The following EEPD1 variants were observed in gnomAD, a reference collection of about 807,000 sequenced individuals.
EEPD1 encodes the protein endonuclease/exonuclease/phosphatase family domain containing 1.
EEPD1 carries 17 observed loss-of-function variants against 46.3 expected under a neutral mutation model. That is an observed-to-expected ratio of 0.37 (90% CI 0.25 to 0.55). The LOEUF is 0.55. Ranked by LOEUF, EEPD1 falls within the 20% of genes least tolerant of loss-of-function variation. The probability of loss-of-function intolerance (pLI) is 0.83; values close to 1 mark genes in which losing one functional copy is unlikely to be tolerated. For missense variants in EEPD1, 673 were observed against 745.6 expected (o/e 0.90, Z 1.13); for synonymous variants, 313 against 315.6 (o/e 0.99, Z 0.09).
chr7:36,254,555 CTT>C (rs200202300), intron 3 of EEPD1, among the ~76,000 whole-genome samples: 18,720 of 152,106 alleles, frequency 0.12, 1,555 homozygotes, highest in Non-Finnish European at 0.18. Flanking sequence ...GGTTCCAAGT[CTT>C]TGTTATTGTG....
chr7:36,290,196 A>G (rs1787406893), intron 6 of EEPD1, among the ~76,000 whole-genome samples: 1 of 152,202 alleles, frequency 6.6e-6, no homozygotes, highest in African/African-American at 2.4e-5. Context: ...AACTTCTTTG[A>G]CAGCCTTAGG....
chr7:36,175,861 G>A (rs1785167782), intron 2 of EEPD1, among the ~76,000 whole-genome samples: 1 of 152,214 alleles, frequency 6.6e-6, no homozygotes, highest in Non-Finnish European at 1.5e-5. Context: ...TATAGTAGAA[G>A]CCTCAGACCC....
intron 2 of EEPD1, among the ~76,000 whole-genome samples, chr7:36,235,839 CTT>C (rs1297927160): frequency 2.6e-5 from 4 of 151,820 alleles, no homozygotes; most frequent in African/African-American, 4.8e-5. Context: ...CATTTTAACT[CTT>C]TTTAAGTGTA....
chr7:36,215,187 A>C (rs1562689697), intron 2 of EEPD1, among the ~76,000 whole-genome samples: 1 of 152,188 alleles, frequency 6.6e-6, no homozygotes, highest in African/African-American at 2.4e-5. Flanking sequence ...ATAACCAGAC[A>C]CGAGCCGAGC....
At chr7:36,283,882 T>C (rs192502719) in intron 4 of EEPD1, among the ~76,000 whole-genome samples, 1 of 152,142 alleles carries the variant, frequency 6.6e-6, no homozygotes, top group Non-Finnish European at 1.5e-5. Flanking sequence ...TCAAATGACA[T>C]GCAGATGGCT....
Position 36,225,311 on chromosome 7 carries a change from C to A in EEPD1, c.879-13674C>A, listed in dbSNP as rs933779681. 6.6e-6 allele frequency among the ~76,000 whole-genome samples: 1 copy of A among 151,862 alleles called. No homozygotes were observed. Among genetic ancestry groups the A allele is most frequent in the Non-Finnish European group, 1.5e-5 (1 of 68,026 alleles). On this transcript the variant is annotated intron_variant, in intron 2 of 7. Coordinates refer to ENST00000242108, the MANE Select transcript of EEPD1 (RefSeq NM_030636.3). The surrounding 1 kb of genome is among the most constrained non-coding windows in gnomAD (Gnocchi z 4.2). ...TCTGGAAAATATGAGAAAAGAAGAACAAGAGACAGGGTTATACATGTGGAA... is the reference window on the plus strand; with the variant it reads ...TCTGGAAAATATGAGAAAAGAAGAAAAAGAGACAGGGTTATACATGTGGAA...
intron 3 of EEPD1, among the ~76,000 whole-genome samples, chr7:36,248,208 A>C (rs1006596158): frequency 6.6e-6 from 1 of 151,202 alleles, no homozygotes; most frequent in African/African-American, 2.4e-5. Flanking sequence ...ACTTTAAGAT[A>C]CTTTTTTTTT....
chr7:36,205,843 T>C (rs1785805695), intron 2 of EEPD1, among the ~76,000 whole-genome samples: 1 of 152,176 alleles, frequency 6.6e-6, no homozygotes, highest in South Asian at 2.1e-4. Flanking sequence ...GAGTCAAGGA[T>C]AGCAGAGAGT....
At chr7:36,228,751 G>A (rs1422647669) in intron 2 of EEPD1, 1 of 152,188 alleles carries the variant, frequency 6.6e-6, no homozygotes, top group African/African-American at 2.4e-5. Flanking sequence ...CAAGATAGGG[G>A]CTAGTTTTTG....
chr7:36,175,154 C>T (rs570127048), intron 2 of EEPD1, among the ~76,000 whole-genome samples: 4 of 152,120 alleles, frequency 2.6e-5, no homozygotes, highest in Non-Finnish European at 5.9e-5. Context: ...GACACCTCCA[C>T]ATAGGTTATA....
chr7:36,175,394 C>G (rs529527987), intron 2 of EEPD1, among the ~76,000 whole-genome samples: 1 of 152,254 alleles, frequency 6.6e-6, no homozygotes, highest in Non-Finnish European at 1.5e-5. Context: ...CCACGCCTGA[C>G]TAATTTTTAA....
intron 2 of EEPD1, among the ~76,000 whole-genome samples, chr7:36,198,342 G>GAAAAAAAAAAAAAAAAGAAAAA (rs1583803428): frequency 1.3e-3 from 44 of 32,816 alleles, no homozygotes; most frequent in East Asian, 2.7e-3. Flanking sequence ...AAAAAGAAAA[G>GAAAAAAAAAAAAAAAAGAAAAA]AAAAAAAAAA....
At chr7:36,252,466 A>T (rs2115812328) in intron 3 of EEPD1, among the ~76,000 whole-genome samples, 1 of 152,340 alleles carries the variant, frequency 6.6e-6, no homozygotes, top group Non-Finnish European at 1.5e-5. Flanking sequence ...TGGTTTAAGC[A>T]TAGTGTGGCC....
At chr7:36,236,438 C>A (rs923560468) in intron 2 of EEPD1, among the ~76,000 whole-genome samples, 1 of 152,226 alleles carries the variant, frequency 6.6e-6, no homozygotes, top group Non-Finnish European at 1.5e-5. Flanking sequence ...GTTCCCTCTT[C>A]GCGGGATTGT....
At chr7:36,291,985 G>A (rs970132318) in intron 6 of EEPD1, among the ~76,000 whole-genome samples, 9 of 152,226 alleles carry the variant, frequency 5.9e-5, no homozygotes, top group African/African-American at 1.9e-4. Flanking sequence ...GACTGTGGGA[G>A]AAATGTCTAA....
intron 2 of EEPD1, among the ~76,000 whole-genome samples, chr7:36,198,337 G>GAAAA (rs1785646235): frequency 1.9e-4 from 4 of 21,118 alleles, no homozygotes; most frequent in African/African-American, 6.1e-4. Context: ...AAAAAAAAAA[G>GAAAA]AAAAGAAAAA....
chr7:36,292,838 T>A (rs1395493220), intron 6 of EEPD1, among the ~76,000 whole-genome samples: 1 of 152,170 alleles, frequency 6.6e-6, no homozygotes, highest in Non-Finnish European at 1.5e-5. Context: ...TTCTCCTGTG[T>A]CAGGTTTTGT....
intron 3 of EEPD1, among the ~76,000 whole-genome samples, chr7:36,241,894 T>C (rs1786559603): frequency 6.6e-6 from 1 of 152,180 alleles, no homozygotes; most frequent in African/African-American, 2.4e-5. Flanking sequence ...ATAACAGTTA[T>C]ATCTTTTGAG....
rs114724434 is a variant in EEPD1 at position 36,174,753 on chromosome 7, A to G, written c.878+19551A>G. On this transcript the variant is annotated intron_variant, in intron 2 of 7. Coordinates refer to ENST00000242108, the MANE Select transcript of EEPD1 (RefSeq NM_030636.3). ...TGTGGATACCTGGATCAAAGAGATTACATGCCTCTTAGAATCCTCTTCAAA... is the reference window on the plus strand; with the variant it reads ...TGTGGATACCTGGATCAAAGAGATTGCATGCCTCTTAGAATCCTCTTCAAA... Among the ~76,000 whole-genome samples, 670 of 152,358 alleles carry G rather than the reference A, an allele frequency of 4.4e-3. 11 individuals are homozygous for G. The highest frequency in any genetic ancestry group is 0.015 in the African/African-American group (643 of 41,578).
Sources: gnomAD v4.1 joint callset for allele counts (sites outside exome capture counted in the v4.1 genomes callset) on GRCh38, gnomAD v4.1.1 for gene constraint, Gnocchi (gnomAD v3.1) non-coding constraint, MANE v1.5 for transcripts, NCBI Gene and HGNC (gene_info 2026-07-23, HGNC 2026-07-21) for gene names.